The following PHF14 variants were observed in gnomAD, a reference collection of about 807,000 sequenced individuals.
The protein encoded by PHF14 is PHD finger protein 14.
A neutral mutation model predicts 117.9 loss-of-function variants in PHF14; 55 were observed. That is an observed-to-expected ratio of 0.47 (90% CI 0.38 to 0.58). PHF14 has a LOEUF of 0.58. Ranked by LOEUF, PHF14 falls within the 20% of genes least tolerant of loss-of-function variation. PHF14 has a pLI of 0.00. For missense variants in PHF14, 978 were observed against 1,122.2 expected, an observed-to-expected ratio of 0.87 and a Z score of 1.84; for synonymous variants, 409 against 368.6, an observed-to-expected ratio of 1.11 and a Z score of -1.26.
Position 11,118,427 on chromosome 7 carries a change from T to C in PHF14, c.2772+6960T>C, listed in dbSNP as rs923274214. Among the ~76,000 whole-genome samples, 4 of 151,884 alleles carry C rather than the reference T, an allele frequency of 2.6e-5. No homozygotes were observed. In the South Asian group the frequency reaches 8.3e-4, roughly 31 times the overall value. On this transcript the variant is annotated intron_variant, in intron 17 of 17. Transcript: ENST00000634607. The stretch of plus-strand genomic sequence containing the variant: ...AAGTGAAATTGTTTGTATAAATGTC[T>C]TTTAATCCCTTAGTTTCTAATTGAG...
At chr7:11,140,332 T>A (rs920160338) in intron 17 of PHF14, among the ~76,000 whole-genome samples, 11 of 152,080 alleles carry the variant, frequency 7.2e-5, no homozygotes, top group Non-Finnish European at 7.4e-5. Context: ...AATTTCAGCT[T>A]TAAAACAAAT....
chr7:10,989,206 G>A (rs541266305), intron 3 of PHF14, among the ~76,000 whole-genome samples: 2 of 152,268 alleles, frequency 1.3e-5, no homozygotes, highest in African/African-American at 4.8e-5. Context: ...CGCAATTTTA[G>A]ATGTTATACA....
chr7:11,037,506 G>A (rs751742618), intron 10 of PHF14, among the ~76,000 whole-genome samples: 7 of 152,030 alleles, frequency 4.6e-5, no homozygotes, highest in Non-Finnish European at 7.4e-5. Flanking sequence ...AATAAACATT[G>A]CTATAGAGCT....
intron 17 of PHF14, among the ~76,000 whole-genome samples, chr7:11,123,025 T>C (rs2128346633): frequency 6.6e-6 from 1 of 152,324 alleles, no homozygotes; most frequent in African/African-American, 2.4e-5. Context: ...TTTCTCGCCT[T>C]CAGTGAACTT....
chr7:11,099,858 T>C (rs1215418117), intron 16 of PHF14, among the ~76,000 whole-genome samples: 1 of 152,072 alleles, frequency 6.6e-6, no homozygotes, highest in African/African-American at 2.4e-5. Flanking sequence ...ATCTGACACT[T>C]GATTTATCTG....
intron 14 of PHF14, 89 bp downstream of exon 14, chr7:11,051,869 C>A: frequency 9.4e-7 from 1 of 1,069,318 alleles, no homozygotes; most frequent in South Asian, 1.7e-5. Context: ...AACATATACT[C>A]AGAAGTCAAA....
intron 17 of PHF14, among the ~76,000 whole-genome samples, chr7:11,141,885 A>T (rs1788409968): frequency 9.0e-6 from 1 of 111,602 alleles, no homozygotes. Context: ...ATCTGTCACA[A>T]TTGAAAATAC....
chr7:10,984,884 A>G (rs566228166), intron 3 of PHF14, among the ~76,000 whole-genome samples: 2 of 152,310 alleles, frequency 1.3e-5, no homozygotes, highest in South Asian at 2.1e-4. Flanking sequence ...TGTTTAGGTT[A>G]ATAGTCCCAA....
intron 14 of PHF14, among the ~76,000 whole-genome samples, chr7:11,057,620 C>T (rs1037063563): frequency 7.2e-5 from 11 of 152,132 alleles, no homozygotes; most frequent in African/African-American, 1.2e-4. Flanking sequence ...GTGATCTACC[C>T]GCCTCGGCCT....
intron 16 of PHF14, among the ~76,000 whole-genome samples, chr7:11,075,173 A>G (rs1367272755): frequency 6.6e-6 from 1 of 152,008 alleles, no homozygotes. Context: ...TCCTGAGCTC[A>G]GGCAATCCTT....
intron 16 of PHF14, among the ~76,000 whole-genome samples, chr7:11,084,718 T>A (rs551491835): frequency 3.9e-5 from 6 of 152,302 alleles, no homozygotes; most frequent in South Asian, 4.1e-4. Context: ...GATAATATTA[T>A]CTTGTTACCC....
intron 16 of PHF14, among the ~76,000 whole-genome samples, chr7:11,090,538 T>G (rs368585732): frequency 6.6e-6 from 1 of 152,220 alleles, no homozygotes; most frequent in Non-Finnish European, 1.5e-5. Flanking sequence ...TCTGTAAATG[T>G]AGATCTTTTT....
At chr7:11,000,334 C>CTTTTTTTTTTTTTTTTTTTTTT in intron 4 of PHF14, among the ~76,000 whole-genome samples, 1 of 60,348 alleles carries the variant, frequency 1.7e-5, no homozygotes, top group Non-Finnish European at 3.0e-5. Context: ...GCTTATTTGC[C>CTTTTTTTTTTTTTTTTTTTTTT]TTTTTTTTTT....
chr7:11,026,300 C>G (rs979524503), intron 6 of PHF14, among the ~76,000 whole-genome samples: 29 of 152,196 alleles, frequency 1.9e-4, no homozygotes, highest in African/African-American at 7.0e-4. Flanking sequence ...AATTAATGTA[C>G]TTAACATTTT....
chr7:10,986,348 A>G (rs1490385642), intron 3 of PHF14, among the ~76,000 whole-genome samples: 1 of 151,970 alleles, frequency 6.6e-6, no homozygotes, highest in African/African-American at 2.4e-5. Flanking sequence ...ATCTGTTGAT[A>G]TTTACCACTT....
intron 4 of PHF14, among the ~76,000 whole-genome samples, chr7:10,998,810 T>C (rs1782754330): frequency 6.6e-6 from 1 of 152,344 alleles, no homozygotes; most frequent in East Asian, 1.9e-4. Context: ...CTTATGATGC[T>C]GAGGGCACTA....
At chr7:11,080,337 T>C (rs902989793) in intron 16 of PHF14, among the ~76,000 whole-genome samples, 6 of 152,156 alleles carry the variant, frequency 3.9e-5, no homozygotes, top group Non-Finnish European at 5.9e-5. Flanking sequence ...AAAAAATGTA[T>C]TGGGTAGTGA....
chr7:11,096,615 A>G (rs533817877), intron 16 of PHF14, among the ~76,000 whole-genome samples: 17 of 152,334 alleles, frequency 1.1e-4, no homozygotes, highest in African/African-American at 3.4e-4. Flanking sequence ...TAAAAGCTCT[A>G]TTTGGTTGTT....
intron 17 of PHF14, among the ~76,000 whole-genome samples, chr7:11,154,707 A>G (rs1788792592): frequency 6.6e-6 from 1 of 152,158 alleles, no homozygotes. Context: ...AACTCTGGGA[A>G]GAACTTCAGT....
Sources: gnomAD v4.1 joint callset for allele counts (sites outside exome capture counted in the v4.1 genomes callset) on GRCh38, gnomAD v4.1.1 for gene constraint, MANE v1.5 for transcripts, NCBI Gene and HGNC (gene_info 2026-07-23, HGNC 2026-07-21) for gene names.